The following NPAS3 variants were observed in gnomAD, a reference collection of about 807,000 sequenced individuals.
NPAS3 encodes the protein neuronal PAS domain protein 3.
A neutral mutation model predicts 73.1 loss-of-function variants in NPAS3; 14 were observed. That is an observed-to-expected ratio of 0.19 (90% CI 0.13 to 0.30). The LOEUF is 0.30. Ranked by LOEUF, NPAS3 falls within the 10% of genes least tolerant of loss-of-function variation. The pLI, the probability that NPAS3 is intolerant of heterozygous loss-of-function variation, is 1.00. For synonymous variants in NPAS3, 620 were observed against 541.5 expected (o/e 1.14, Z -2.01); for missense variants, 1,096 against 1,250.0 (o/e 0.88, Z 1.86).
At chr14:33,266,974 T>C (rs1176806813) in intron 3 of NPAS3, among the ~76,000 whole-genome samples, 2 of 152,176 alleles carry the variant, frequency 1.3e-5, no homozygotes, top group Non-Finnish European at 2.9e-5. Flanking sequence ...ATTTGGAATA[T>C]CTGACTTAGC....
intron 1 of NPAS3, among the ~76,000 whole-genome samples, chr14:33,054,402 A>ATATACTTTATATATAAACTATG: frequency 1.3e-5 from 2 of 152,300 alleles, no homozygotes; most frequent in Middle Eastern, 3.4e-3. Flanking sequence ...TTGAGTATAC[A>ATATACTTTATATATAAACTATG]TATACTTTAT....
chr14:33,705,866 C>T (rs991488372), intron 6 of NPAS3, among the ~76,000 whole-genome samples: 7 of 152,206 alleles, frequency 4.6e-5, no homozygotes, highest in African/African-American at 1.7e-4. Flanking sequence ...GGGCGGAAAT[C>T]AAATCATCTG....
Position 33,197,267 on chromosome 14 carries a change from G to T in NPAS3, c.141-17915G>T, listed in dbSNP as rs4981179. Among the ~76,000 whole-genome samples, 423 of 148,820 alleles carry T rather than the reference G, an allele frequency of 2.8e-3. 7 individuals carry two copies. The highest frequency in any genetic ancestry group is 0.02 in the Admixed American group (302 of 14,936). On this transcript the variant is annotated intron_variant, in intron 2 of 11. Transcript: ENST00000356141. ...TGTGTGTGTGTGTGTGTGTGTGTGT[G>T]TTCTTTTTCAATTGAGATCCACTGT...
At chr14:33,178,471 AAT>A (rs1372366144) in intron 2 of NPAS3, among the ~76,000 whole-genome samples, 2 of 152,206 alleles carry the variant, frequency 1.3e-5, no homozygotes, top group African/African-American at 4.8e-5. Flanking sequence ...TATTTTTAAT[AAT>A]ATAAATTTCT....
At chr14:33,679,802 T>C (rs555161442) in intron 6 of NPAS3, among the ~76,000 whole-genome samples, 1 of 152,280 alleles carries the variant, frequency 6.6e-6, no homozygotes, top group South Asian at 2.1e-4. Context: ...AGCCCTGAGA[T>C]TGTCTTGTCC....
intron 9 of NPAS3, among the ~76,000 whole-genome samples, chr14:33,786,044 C>T (rs555469035): frequency 2.4e-4 from 37 of 152,228 alleles, no homozygotes; most frequent in African/African-American, 8.7e-4. Flanking sequence ...TCCCGTGTGT[C>T]GAGTGACCAA....
chr14:33,655,810 T>G (rs1318061518), intron 5 of NPAS3, among the ~76,000 whole-genome samples: 3 of 152,158 alleles, frequency 2.0e-5, no homozygotes, highest in Non-Finnish European at 2.9e-5. Flanking sequence ...TTCAAGGTAG[T>G]AAATCTCAAT....
intron 7 of NPAS3, among the ~76,000 whole-genome samples, chr14:33,771,698 C>G (rs2138445606): frequency 6.6e-6 from 1 of 152,168 alleles, no homozygotes; most frequent in Middle Eastern, 3.4e-3. Context: ...GTGGTCCCAG[C>G]TACTCAGGAG....
Position 33,752,849 on chromosome 14 carries a change from G to A in NPAS3, c.852+17517G>A, listed in dbSNP as rs181245003. 3.7e-4 allele frequency among the ~76,000 whole-genome samples: 56 copies of A among 152,084 alleles called. No homozygotes were observed. The South Asian group carries it at 6.8e-3, about 19-fold the overall frequency. ...TTCTGATATTTTTTTTCAATGTTTC[G>A]CGCTCAAGTTCAACTCTCTGTGTAT... On this transcript the variant is annotated intron_variant, in intron 7 of 11. Transcript: ENST00000356141.
chr14:33,449,362 G>A (rs1320923246), intron 4 of NPAS3, among the ~76,000 whole-genome samples: 2 of 152,042 alleles, frequency 1.3e-5, no homozygotes, highest in Non-Finnish European at 2.9e-5. Context: ...AAATTTTTTT[G>A]GCATACAGCC....
intron 9 of NPAS3, among the ~76,000 whole-genome samples, chr14:33,779,541 A>T (rs1033653532): frequency 6.6e-6 from 1 of 152,164 alleles, no homozygotes; most frequent in African/African-American, 2.4e-5. Flanking sequence ...ACTACCTACC[A>T]CATATATGAT....
At chr14:33,141,051 G>A (rs965534451) in intron 2 of NPAS3, among the ~76,000 whole-genome samples, 1 of 152,196 alleles carries the variant, frequency 6.6e-6, no homozygotes, top group African/African-American at 2.4e-5. Context: ...TATGTGGGAT[G>A]CCATCATAGT....
chr14:32,942,852 A>G (rs2036082489), intron 1 of NPAS3, among the ~76,000 whole-genome samples: 1 of 152,246 alleles, frequency 6.6e-6, no homozygotes, highest in South Asian at 2.1e-4. Context: ...TGGCCTTCAT[A>G]TCACAAGGCC....
chr14:33,129,799 GT>G (rs998741040), intron 2 of NPAS3, among the ~76,000 whole-genome samples: 6 of 152,080 alleles, frequency 3.9e-5, no homozygotes, highest in Admixed American at 3.9e-4. Context: ...TAGTTACTTT[GT>G]TTGCTATAAT....
At chr14:33,560,646 A>G (rs1165018879) in intron 5 of NPAS3, among the ~76,000 whole-genome samples, 1 of 151,700 alleles carries the variant, frequency 6.6e-6, no homozygotes, top group Non-Finnish European at 1.5e-5. Context: ...AGAGACCATT[A>G]AAATGCGTTG....
At chr14:33,570,731 G>A (rs1567015769) in intron 5 of NPAS3, among the ~76,000 whole-genome samples, 2 of 152,136 alleles carry the variant, frequency 1.3e-5, no homozygotes, top group Non-Finnish European at 2.9e-5. Context: ...TTGAACTGAA[G>A]ATATTTCTAA....
chr14:33,515,438 A>G (rs2053251884), intron 4 of NPAS3, among the ~76,000 whole-genome samples: 1 of 152,078 alleles, frequency 6.6e-6, no homozygotes, highest in African/African-American at 2.4e-5. Flanking sequence ...TCTTAGACCA[A>G]GGGTTTATGA....
At chr14:32,984,523 C>T (rs1445602121) in intron 1 of NPAS3, among the ~76,000 whole-genome samples, 6 of 152,152 alleles carry the variant, frequency 3.9e-5, no homozygotes, top group Non-Finnish European at 8.8e-5. Context: ...AATACTTATG[C>T]TTCAGTTCTC....
chr14:33,320,314 CTT>C (rs528833939), intron 3 of NPAS3, among the ~76,000 whole-genome samples: 149 of 152,166 alleles, frequency 9.8e-4, no homozygotes, highest in African/African-American at 3.3e-3. Flanking sequence ...AGTGAAGAAA[CTT>C]AGAATGTTTT....
Sources: gnomAD v4.1 joint callset for allele counts (sites outside exome capture counted in the v4.1 genomes callset) on GRCh38, gnomAD v4.1.1 for gene constraint, MANE v1.5 for transcripts, NCBI Gene and HGNC (gene_info 2026-07-23, HGNC 2026-07-21) for gene names.